Variants in PHACTR1 observed in about 807,000 individuals in gnomAD.
PHACTR1 encodes phosphatase and actin regulator 1, also known as RPEL repeat containing 1.
Under a neutral mutation model 69.2 loss-of-function variants are expected in PHACTR1, and 16 were observed. The ratio of observed to expected loss-of-function variants is 0.23; its 90% CI spans 0.16 to 0.35. The LOEUF is 0.35. Ranked by LOEUF, PHACTR1 falls within the 10% of genes least tolerant of loss-of-function variation. The pLI is 1.00. For synonymous variants in PHACTR1, 312 were observed against 284.5 expected (o/e 1.10, Z -0.97); for missense variants, 510 against 734.7 (o/e 0.69, Z 3.54).
chr6:13,162,969 G>T (rs1023739616), intron 6 of PHACTR1, among the ~76,000 whole-genome samples: 12 of 152,190 alleles, frequency 7.9e-5, no homozygotes, highest in African/African-American at 2.9e-4. Context: ...CTGCGGGCCG[G>T]GCTCGGTGTC....
intron 4 of PHACTR1, among the ~76,000 whole-genome samples, chr6:12,866,025 T>C (rs1781419391): frequency 6.6e-6 from 1 of 152,176 alleles, no homozygotes; most frequent in Non-Finnish European, 1.5e-5. Context: ...TCATCCCCTT[T>C]CTGCCTGAGA....
chr6:13,022,766 C>T (rs1801150417), intron 4 of PHACTR1, among the ~76,000 whole-genome samples: 1 of 152,062 alleles, frequency 6.6e-6, no homozygotes, highest in Non-Finnish European at 1.5e-5. Flanking sequence ...ACCTGTAATC[C>T]AGCACCTTGG....
In PHACTR1 at chr6:12,940,469, T is replaced by G. The variant is rs183884165; in HGVS notation, c.251-112896T>G. On this transcript the variant is annotated intron_variant, in intron 4 of 14. Transcript: ENST00000332995. ...CTGGAAGAGTTTCTATTTAGAATGGTGAAATATTCAGTGGAGATAAAATTG... is the reference window on the plus strand; with the variant it reads ...CTGGAAGAGTTTCTATTTAGAATGGGGAAATATTCAGTGGAGATAAAATTG... Among the ~76,000 whole-genome samples, 30 of 152,302 alleles carry G rather than the reference T, an allele frequency of 2.0e-4. No homozygotes were observed. In the East Asian group the frequency reaches 5.0e-3, roughly 25 times the overall value.
Position 13,050,255 on chromosome 6 carries a change from C to T in PHACTR1, c.251-3110C>T, listed in dbSNP as rs184049854. 9.7e-4 allele frequency among the ~76,000 whole-genome samples: 148 copies of T among 152,284 alleles called. 1 individual carries two copies. The highest frequency in any genetic ancestry group is 2.4e-4 in the Non-Finnish European group (16 of 68,018). The stretch of plus-strand genomic sequence containing the variant: ...TTTGATTTCTTTTTTTATTCCTTGT[C>T]GTAGCTGTGTTGTTGTTATTGTTAC... On this transcript the variant is annotated intron_variant, in intron 4 of 14. Transcript: ENST00000332995.
intron 4 of PHACTR1, among the ~76,000 whole-genome samples, chr6:12,982,784 T>C (rs1006032736): frequency 6.6e-6 from 1 of 152,258 alleles, no homozygotes; most frequent in African/African-American, 2.4e-5. Context: ...CTCCTGTTTC[T>C]ATCACTTTTA....
rs78182690 is a variant in PHACTR1, at chr6:12,996,435, A to G, written c.251-56930A>G. Among the ~76,000 whole-genome samples the G allele has an allele frequency of 4.0e-3, 608 of 152,326 alleles. 6 individuals are homozygous for G. The highest frequency in any genetic ancestry group is 0.014 in the African/African-American group (565 of 41,584). ...TGAAGGAAATATTATGATCAACTTC[A>G]TGCAAGTAAATTGGAACACTTAAAT... On this transcript the variant is annotated intron_variant, in intron 4 of 14. Transcript: ENST00000332995.
intron 4 of PHACTR1, among the ~76,000 whole-genome samples, chr6:13,006,997 C>T (rs561999169): frequency 6.6e-6 from 1 of 152,212 alleles, no homozygotes; most frequent in Non-Finnish European, 1.5e-5. Context: ...GTAATGTCTA[C>T]AATATTTGTT....
intron 4 of PHACTR1, among the ~76,000 whole-genome samples, chr6:12,809,442 C>T (rs1215953547): frequency 6.6e-6 from 1 of 152,184 alleles, no homozygotes; most frequent in African/African-American, 2.4e-5. Flanking sequence ...CTCAGTTATT[C>T]ACAGCATTGC....
At chr6:13,095,203 C>T (rs77590718) in intron 5 of PHACTR1, among the ~76,000 whole-genome samples, 2 of 152,316 alleles carry the variant, frequency 1.3e-5, no homozygotes, top group Non-Finnish European at 2.9e-5. Context: ...GTGGTGTTTT[C>T]TTACAGCAGC....
chr6:12,826,692 G>C (rs1776837669), intron 4 of PHACTR1, among the ~76,000 whole-genome samples: 1 of 152,156 alleles, frequency 6.6e-6, no homozygotes, highest in Non-Finnish European at 1.5e-5. Context: ...CAGTGCATCT[G>C]AAATATACTG....
chr6:12,857,291 A>G (rs1380126098), intron 4 of PHACTR1, among the ~76,000 whole-genome samples: 4 of 152,168 alleles, frequency 2.6e-5, no homozygotes, highest in Non-Finnish European at 5.9e-5. Context: ...AAGTGAGACT[A>G]ATATACTTGC....
intron 4 of PHACTR1, among the ~76,000 whole-genome samples, chr6:13,034,547 C>G (rs1803000835): frequency 6.6e-6 from 1 of 152,130 alleles, no homozygotes. Context: ...CTGTTTCTCC[C>G]CCAGTGGACA....
At chr6:13,129,508 A>G (rs898237671) in intron 5 of PHACTR1, among the ~76,000 whole-genome samples, 1 of 152,186 alleles carries the variant, frequency 6.6e-6, no homozygotes, top group Admixed American at 6.5e-5. Context: ...AGGAGTAGCT[A>G]TTCTTGTATC....
At chr6:12,968,550 T>G (rs1481806218) in intron 4 of PHACTR1, among the ~76,000 whole-genome samples, 1 of 152,210 alleles carries the variant, frequency 6.6e-6, no homozygotes, top group Admixed American at 6.5e-5. Flanking sequence ...CAATAACTTT[T>G]CATTCACCCT....
At chr6:13,143,071 A>C (rs1583559305) in intron 5 of PHACTR1, among the ~76,000 whole-genome samples, 1 of 152,196 alleles carries the variant, frequency 6.6e-6, no homozygotes. Flanking sequence ...GAGAGCTAAA[A>C]ATTTCAACAA....
At chr6:13,091,061 G>T (rs897285616) in intron 5 of PHACTR1, among the ~76,000 whole-genome samples, 1 of 152,042 alleles carries the variant, frequency 6.6e-6, no homozygotes, top group Non-Finnish European at 1.5e-5. Context: ...GCCCAGGCTG[G>T]AGTGCAATGG....
At chr6:13,034,797 A>G (rs1803055997) in intron 4 of PHACTR1, among the ~76,000 whole-genome samples, 1 of 152,232 alleles carries the variant, frequency 6.6e-6, no homozygotes, top group African/African-American at 2.4e-5. Flanking sequence ...ATCAAAGTGA[A>G]CAATTGTATT....
At chr6:12,792,396 G>A (rs1039129374) in intron 4 of PHACTR1, among the ~76,000 whole-genome samples, 41 of 146,666 alleles carry the variant, frequency 2.8e-4, no homozygotes, top group Middle Eastern at 3.6e-3. Context: ...CCCGGGAGGC[G>A]GAGGTTGCAG....
At position 13,277,267 on chromosome 6, in the gene PHACTR1, C is replaced by T. The variant is rs1219909001; in HGVS notation, c.1448-1001C>T. ...TTTAAAAATCTGATGAGTAAATCAC[C>T]CATATATTAAGGCAAGAGCTTTCAG... is the stretch of plus-strand genomic sequence containing the variant. On this transcript the variant is annotated intron_variant, in intron 11 of 14. Transcript: ENST00000332995. Among the ~76,000 whole-genome samples the T allele has an allele frequency of 3.8e-4, 58 of 152,160 alleles. 1 individual carries two copies. The highest frequency in any genetic ancestry group is 1.9e-4 in the East Asian group (1 of 5,188).
Sources: allele counts gnomAD v4.1 joint callset (sites outside exome capture counted in the v4.1 genomes callset), GRCh38; gene constraint gnomAD v4.1.1; transcripts MANE v1.5; gene names NCBI Gene and HGNC (gene_info 2026-07-23, HGNC 2026-07-21).